The following TC2N variants were observed in gnomAD, a reference collection of about 807,000 sequenced individuals.
TC2N encodes the protein tandem C2 domains, nuclear.
TC2N carries 51 observed loss-of-function variants against 61.9 expected under a neutral mutation model. The observed-to-expected ratio is 0.82, with a 90% CI of 0.66 to 1.04. The LOEUF (loss-of-function observed/expected upper bound fraction) is 1.04. TC2N is among the 50% of genes least tolerant of loss of function. The probability of loss-of-function intolerance (pLI) is 0.00; values close to 1 mark genes in which losing one functional copy is unlikely to be tolerated. For synonymous variants in TC2N, 204 were observed against 192.6 expected, an observed-to-expected ratio of 1.06 and a Z score of -0.49; for missense variants, 556 against 566.7, an observed-to-expected ratio of 0.98 and a Z score of 0.19.
At position 91,787,378 on chromosome 14, in the gene TC2N, TTTTAAA is replaced by T. The variant is rs757228036; in HGVS notation, c.1162+129_1162+134del. ...ATGGCTAAAATTTGAAATCTTATAA[TTTTAAA>T]TTTAAAGTAAATAAGTTAAATAATA... On this transcript the variant is annotated intron_variant, in intron 10 of 11. Coordinates refer to ENST00000435962, the MANE Select transcript of TC2N (RefSeq NM_001128596.3). 2.8e-4 allele frequency: 156 copies of T among 563,594 alleles called. 1 individual carries two copies. The highest frequency in any genetic ancestry group is 2.0e-3 in the South Asian group (68 of 34,194). The allele number at this position is 563,594 out of a possible 1,614,324, so 34.9% of individuals were successfully genotyped here.
Position 91,783,072 on chromosome 14 carries a change from T to C in TC2N, c.*28A>G, listed in dbSNP as rs566263267. On this transcript the variant is annotated 3_prime_UTR_variant, in exon 12 of 12. Transcript: ENST00000435962. ...ATAAGTCTTCTAAAAGAATGTCAAG[T>C]TCTTCACCAAATTAATGTGTGAAGT... 7.3e-7 allele frequency: 1 copy of C among 1,373,202 alleles called. No individual in the cohort carries two copies. Among genetic ancestry groups the C allele is most frequent in the African/African-American group, 1.4e-5 (1 of 70,182 alleles). The allele number at this position is 1,373,202 out of a possible 1,614,324, so 85.1% of individuals were successfully genotyped here. A position where few individuals can be genotyped will look rare whatever the true frequency, so the allele number is the denominator to read the frequency against.
chr14:91,806,208 T>C (rs986381541), intron 3 of TC2N, among the ~76,000 whole-genome samples: 1 of 152,148 alleles, frequency 6.6e-6, no homozygotes, highest in African/African-American at 2.4e-5. Flanking sequence ...TCTTTTTCTT[T>C]ATAAATTACC....
chr14:91,805,737 T>C (rs1267666907), intron 3 of TC2N, among the ~76,000 whole-genome samples: 1 of 152,178 alleles, frequency 6.6e-6, no homozygotes, highest in Non-Finnish European at 1.5e-5. Flanking sequence ...AACAAAAATA[T>C]ATTTAATAAA....
chr14:91,800,406 A>G (rs769897475), intron 4 of TC2N, 34 bp from the exon 5 acceptor site: 2 of 1,216,656 alleles, frequency 1.6e-6, no homozygotes, highest in South Asian at 2.9e-5. Flanking sequence ...ATATATTTTT[A>G]AGAAACACTG....
chr14:91,787,510 TACTC>T lies in TC2N; in HGVS notation c.1161_1162+2del, dbSNP rs755342854. ...TTCTACTTTGAACCACTGATATACT[TACTC>T]AAAGTCAGAGGTGTTGATGAGCTTG... On this transcript the variant is annotated splice_donor_variant and coding_sequence_variant, in exon 10 of 12. Transcript: ENST00000435962. LOFTEE classifies it high-confidence loss of function. The T allele has an allele frequency of 3.8e-6, 6 of 1,578,782 alleles. No individual in the cohort carries two copies. In the South Asian group the frequency reaches 6.8e-5, roughly 18 times the overall value.
chr14:91,797,705 G>A, intron 8 of TC2N, 80 bp downstream of exon 8: 1 of 932,248 alleles, frequency 1.1e-6, no homozygotes, highest in Non-Finnish European at 1.7e-6. Flanking sequence ...TTCTTATTCT[G>A]ACTTGTTTAC....
intron 10 of TC2N, among the ~76,000 whole-genome samples, chr14:91,785,961 G>A (rs1025567950): frequency 4.6e-5 from 7 of 152,122 alleles, no homozygotes; most frequent in East Asian, 1.9e-4. Flanking sequence ...TAAAATTCAG[G>A]TTGATATAGC....
At chr14:91,858,751 G>A (rs1888533475) in intron 1 of TC2N, among the ~76,000 whole-genome samples, 1 of 152,084 alleles carries the variant, frequency 6.6e-6, no homozygotes, top group African/African-American at 2.4e-5. Flanking sequence ...TAGGAGCTTT[G>A]TCACTCACTC....
At chr14:91,855,835 G>A (rs1327887035) in intron 1 of TC2N, among the ~76,000 whole-genome samples, 1 of 152,114 alleles carries the variant, frequency 6.6e-6, no homozygotes, top group Non-Finnish European at 1.5e-5. Flanking sequence ...CGAATTCAAG[G>A]GAAGTGCCGA....
At chr14:91,789,441 A>AT (rs1485171983) in intron 9 of TC2N, among the ~76,000 whole-genome samples, 3 of 133,794 alleles carry the variant, frequency 2.2e-5, no homozygotes, top group Non-Finnish European at 4.4e-5. Context: ...AAAAAAAAAA[A>AT]AGAAGAAGAA....
chr14:91,846,923 C>A (rs576762615), intron 1 of TC2N, among the ~76,000 whole-genome samples: 8 of 152,198 alleles, frequency 5.3e-5, no homozygotes, highest in African/African-American at 1.4e-4. Context: ...AGGATGCTTT[C>A]AGCCCCAAAT....
At chr14:91,789,441 A>G (rs62910160) in intron 9 of TC2N, among the ~76,000 whole-genome samples, 3 of 133,794 alleles carry the variant, frequency 2.2e-5, no homozygotes, top group Non-Finnish European at 4.4e-5. Flanking sequence ...AAAAAAAAAA[A>G]AGAAGAAGAA....
chr14:91,790,868 T>A (rs77700653), intron 9 of TC2N, among the ~76,000 whole-genome samples: 1 of 152,136 alleles, frequency 6.6e-6, no homozygotes, highest in African/African-American at 2.4e-5. Context: ...CAGTGGCTCA[T>A]GCCTGCAATC....
At chr14:91,833,158 C>T (rs1019677380) in intron 1 of TC2N, among the ~76,000 whole-genome samples, 2 of 152,172 alleles carry the variant, frequency 1.3e-5, no homozygotes, top group Non-Finnish European at 2.9e-5. Flanking sequence ...TTAAGCAATA[C>T]ATAGGCACGG....
chr14:91,799,436 T>A (rs1886106044), intron 5 of TC2N, among the ~76,000 whole-genome samples: 1 of 151,968 alleles, frequency 6.6e-6, no homozygotes, highest in South Asian at 2.1e-4. Flanking sequence ...GCATAGTCAA[T>A]CTGGACCTGC....
chr14:91,828,564 A>G (rs901875538), intron 1 of TC2N, among the ~76,000 whole-genome samples: 1 of 151,976 alleles, frequency 6.6e-6, no homozygotes, highest in South Asian at 2.1e-4. Flanking sequence ...ACATTTCCCC[A>G]ATTTTCCTAT....
intron 1 of TC2N, among the ~76,000 whole-genome samples, chr14:91,853,664 AC>A (rs1888421900): frequency 1.4e-5 from 2 of 147,566 alleles, no homozygotes; most frequent in Non-Finnish European, 3.0e-5. Context: ...ACACACACAC[AC>A]ACACACACAC....
intron 1 of TC2N, among the ~76,000 whole-genome samples, chr14:91,862,403 C>T (rs148225537): frequency 3.3e-5 from 5 of 151,330 alleles, no homozygotes; most frequent in East Asian, 1.9e-4. Context: ...TTTGAGCAGG[C>T]GAGGAAGAGG....
intron 9 of TC2N, among the ~76,000 whole-genome samples, chr14:91,789,623 CA>C (rs1005842920): frequency 6.1e-4 from 81 of 132,082 alleles, no homozygotes; most frequent in South Asian, 1.2e-3. Flanking sequence ...AAACAAAAAA[CA>C]AAAAAAAAAA....
Sources: gnomAD v4.1 joint callset for allele counts (sites outside exome capture counted in the v4.1 genomes callset) on GRCh38, gnomAD v4.1.1 for gene constraint, MANE v1.5 for transcripts, NCBI Gene and HGNC (gene_info 2026-07-23, HGNC 2026-07-21) for gene names.